MPP4: variants seen among roughly 807,000 people sequenced by gnomAD.
MPP4 encodes MAGUK p55 scaffold protein 4.
In MPP4, 91 loss-of-function variants were observed where a neutral mutation model predicts 98.3. The ratio of observed to expected loss-of-function variants is 0.93; its 90% confidence interval spans 0.78 to 1.10. MPP4 has a LOEUF of 1.10. MPP4 is among the 50% of genes least tolerant of loss of function. The probability of loss-of-function intolerance (pLI) is 0.00; values close to 1 mark genes in which losing one functional copy is unlikely to be tolerated. For synonymous variants in MPP4, 261 were observed against 271.8 expected (o/e 0.96, Z 0.39); for missense variants, 744 against 792.9 (o/e 0.94, Z 0.74).
At chr2:201,656,799 G>A (rs945816569) in intron 16 of MPP4, among the ~76,000 whole-genome samples, 4 of 152,216 alleles carry the variant, frequency 2.6e-5, no homozygotes, top group African/African-American at 9.6e-5. Context: ...CTGGAGGAAG[G>A]CAGGGAGCCA....
At chr2:201,662,144 G>T in intron 14 of MPP4, 1 of 305,804 alleles carries the variant, frequency 3.3e-6, no homozygotes, top group Non-Finnish European at 6.3e-6. Context: ...ATTAATAGAT[G>T]GCATAATCTA....
In MPP4 at chr2:201,685,997, G is replaced by A; in HGVS notation, c.414C>T (p.Leu138=). ...CAGGGATATTGTCTGGCAGTGGAGG[G>A]AGAAGGGGTTCAAAATCTTTCTGAG... The part of the protein sequence containing the change: ...TIAQKDFEPL[L]PPLPDNIPES... Residue 138 remains leucine, a synonymous_variant, in exon 6 of 22, where the codon CTC becomes CTT. Transcript: ENST00000409474. 6.2e-7 allele frequency: 1 copy of A among 1,612,960 alleles called. No individual in the cohort carries two copies. Among genetic ancestry groups the A allele is most frequent in the Non-Finnish European group, 8.5e-7 (1 of 1,179,076 alleles).
intron 4 of MPP4, 35 bp from the exon 5 acceptor site, chr2:201,687,406 T>A (rs967834782): frequency 3.3e-6 from 5 of 1,515,116 alleles, no homozygotes; most frequent in Admixed American, 2.0e-5. Flanking sequence ...ATAAAAATTT[T>A]AAAAAATCTT....
Position 201,650,118 on chromosome 2 carries a change from G to T in MPP4, c.1429C>A (p.His477Asn). The change falls in exon 19 of 22, where the codon CAC becomes AAC. Residue 477 changes from histidine (H) to asparagine (N), a missense_variant. Coordinates refer to ENST00000409474, the MANE Select transcript of MPP4 (RefSeq NM_033066.3). ...TCAAATGTTTCCTTGGACACATAGTGATACTCACGCCCATTCATTTCGTAA... is the reference window on the plus strand; with the variant it reads ...TCAAATGTTTCCTTGGACACATAGTTATACTCACGCCCATTCATTTCGTAA... The part of the protein sequence containing the change: ...KSYEMNGREY[H>N]YVSKETFENL... 1 of 1,581,546 alleles carries T rather than the reference G, an allele frequency of 6.3e-7. No homozygotes were observed. The highest frequency in any genetic ancestry group is 1.2e-5 in the South Asian group (1 of 86,238).
intron 15 of MPP4, among the ~76,000 whole-genome samples, chr2:201,658,884 A>T (rs10804120): frequency 0.079 from 12,024 of 152,210 alleles, 565 homozygotes; most frequent in African/African-American, 0.14. Context: ...TTAAATAAGC[A>T]TAAAGTAGCT....
intron 16 of MPP4, among the ~76,000 whole-genome samples, chr2:201,657,320 T>C (rs1687871799): frequency 6.6e-6 from 1 of 152,212 alleles, no homozygotes; most frequent in Non-Finnish European, 1.5e-5. Flanking sequence ...TCTAAGCTCC[T>C]AGATTCCTGC....
chr2:201,663,743 G>A (rs1688088707), intron 14 of MPP4, among the ~76,000 whole-genome samples: 1 of 152,098 alleles, frequency 6.6e-6, no homozygotes, highest in African/African-American at 2.4e-5. Context: ...TTAGCCAGGT[G>A]TAATGGCATA....
Position 201,681,017 on chromosome 2 carries a change from C to T in MPP4, c.750G>A (p.Met250Ile), listed in dbSNP as rs751524200. The T allele has an allele frequency of 1.2e-6, 2 of 1,613,522 alleles. No individual in the cohort carries two copies. The highest frequency in any genetic ancestry group is 1.3e-5 in the African/African-American group (1 of 75,024). The change falls in exon 10 of 22, where the codon ATG becomes ATA. Residue 250 changes from methionine to isoleucine, a missense_variant. By Grantham distance (10) the Met-to-Ile change is conservative. Transcript: ENST00000409474. ...GATCCTCCTGGGGCCAGTACTCAGT[C>T]ATGGCACGGACGTACACCTGATGGC... is the stretch of plus-strand genomic sequence containing the variant. ...NSQQMVYVRA[M>I]TEYWPQEDPD... is the part of the protein sequence containing the mutation.
At chr2:201,692,574 T>C (rs1159477709) in intron 3 of MPP4, among the ~76,000 whole-genome samples, 1 of 149,678 alleles carries the variant, frequency 6.7e-6, no homozygotes, top group Admixed American at 6.6e-5. Flanking sequence ...GGTAAGGTCT[T>C]TGGGAGCCGA....
chr2:201,690,202 C>T lies in MPP4; in HGVS notation c.279G>A (p.Glu93=), dbSNP rs765946151. 6.2e-7 allele frequency: 1 copy of T among 1,602,788 alleles called. No individual in the cohort carries two copies. The highest frequency in any genetic ancestry group is 1.1e-5 in the South Asian group (1 of 88,962). ...ATCCTGTGGAATAAAATCTCCTTAC[C>T]TCATAGGATAACACCTGTGCATGTG... ...ATPHAQVLSY[E]VVELLRETPT... The change falls in exon 4 of 22, where the codon GAG becomes GAA. Residue 93 remains glutamate (E), a splice_region_variant and synonymous_variant. Coordinates refer to ENST00000409474, the MANE Select transcript of MPP4 (RefSeq NM_033066.3).
At chr2:201,651,835 T>C in intron 18 of MPP4, 2 of 310,338 alleles carry the variant, frequency 6.4e-6, no homozygotes, top group Non-Finnish European at 9.4e-6. Flanking sequence ...ACACCTGTAA[T>C]CCCAACTACT....
chr2:201,694,310 ATATT>A (rs1441552531), intron 1 of MPP4, among the ~76,000 whole-genome samples: 2 of 152,168 alleles, frequency 1.3e-5, no homozygotes, highest in African/African-American at 2.4e-5. Context: ...GACAAATACT[ATATT>A]TATTTATCTT....
At chr2:201,680,635 T>C (rs1688638878) in intron 10 of MPP4, 5 of 522,652 alleles carry the variant, frequency 9.6e-6, no homozygotes, top group African/African-American at 1.9e-5. Flanking sequence ...GTTTTCTAGC[T>C]GATATGATTA....
At chr2:201,694,170 A>T in intron 1 of MPP4, 116 bp from the exon 2 acceptor site, 2 of 975,178 alleles carry the variant, frequency 2.1e-6, no homozygotes, top group East Asian at 5.4e-5. Flanking sequence ...AACCATCACC[A>T]GTGGCGTGAA....
intron 1 of MPP4, among the ~76,000 whole-genome samples, chr2:201,694,608 CTTTTT>C (rs777556505): frequency 3.8e-4 from 30 of 78,902 alleles, no homozygotes; most frequent in African/African-American, 1.1e-3. Flanking sequence ...TTCTTTTTCC[CTTTTT>C]TTTTTTTTTT....
chr2:201,694,197 G>A, intron 1 of MPP4, 143 bp from the exon 2 acceptor site: 1 of 716,728 alleles, frequency 1.4e-6, no homozygotes, highest in Non-Finnish European at 2.1e-6. Flanking sequence ...AACGACTATT[G>A]CATAAAATGC....
intron 18 of MPP4, 48 bp from the exon 19 acceptor site, chr2:201,650,213 G>C: frequency 6.5e-7 from 1 of 1,527,684 alleles, no homozygotes; most frequent in Non-Finnish European, 8.8e-7. Context: ...AGAATTCTTT[G>C]ATTACCAATA....
intron 11 of MPP4, among the ~76,000 whole-genome samples, chr2:201,671,087 G>A (rs143767488): frequency 5.1e-4 from 77 of 152,216 alleles, no homozygotes; most frequent in Non-Finnish European, 9.4e-4. Flanking sequence ...TCCCTTGGGT[G>A]CCTACACCAC....
intron 1 of MPP4, among the ~76,000 whole-genome samples, chr2:201,695,931 AG>A (rs1689166965): frequency 6.6e-6 from 1 of 152,224 alleles, no homozygotes; most frequent in African/African-American, 2.4e-5. Context: ...TTGTTATAAA[AG>A]GAACACTTCA....
Sources: allele counts gnomAD v4.1 joint callset (sites outside exome capture counted in the v4.1 genomes callset), GRCh38; gene constraint gnomAD v4.1.1; transcripts MANE v1.5; gene names NCBI Gene and HGNC (gene_info 2026-07-23, HGNC 2026-07-21).